The following MTMR10 variants were observed in gnomAD, a reference collection of about 807,000 sequenced individuals.
The protein encoded by MTMR10 is myotubularin related protein 10.
A neutral mutation model predicts 88.1 loss-of-function variants in MTMR10; 56 were observed. The observed-to-expected ratio is 0.64, with a 90% confidence interval of 0.51 to 0.79. MTMR10 has a LOEUF of 0.79. Ranked by LOEUF, MTMR10 falls within the 30% of genes least tolerant of loss-of-function variation. MTMR10 has a pLI of 0.00. For missense variants in MTMR10, 883 were observed against 924.7 expected (o/e 0.95, Z 0.58); for synonymous variants, 380 against 340.9 (o/e 1.11, Z -1.26).
the MTMR10 span, chr15:30,928,198 T>C: frequency 9.7e-7 from 1 of 1,027,004 alleles, no homozygotes. Flanking sequence ...CCAGCCCTGC[T>C]AAGTCCCAGC....
intron 15 of MTMR10, 138 bp from the exon 16 acceptor site, chr15:30,942,210 G>A (rs2063077995): frequency 4.2e-5 from 45 of 1,072,462 alleles, no homozygotes; most frequent in Non-Finnish European, 6.0e-5. Flanking sequence ...CCCTTCCTTT[G>A]TGTCCTTATT....
At chr15:30,934,033 C>T (rs935505302), downstream of MTMR10, among the ~76,000 whole-genome samples, 2 of 152,002 alleles carry the variant, frequency 1.3e-5, no homozygotes, top group Non-Finnish European at 2.9e-5. Flanking sequence ...TATACCGTGC[C>T]CAGCCAATTT....
At chr15:30,935,726 T>C (rs1236872565), downstream of MTMR10, among the ~76,000 whole-genome samples, 3 of 152,178 alleles carry the variant, frequency 2.0e-5, no homozygotes, top group Non-Finnish European at 4.4e-5. Flanking sequence ...CACCTTTGTT[T>C]TTGAAAGATA....
At chr15:30,953,053 G>C (rs2063272659) in intron 11 of MTMR10, among the ~76,000 whole-genome samples, 1 of 151,894 alleles carries the variant, frequency 6.6e-6, no homozygotes. Flanking sequence ...GCCTCCCAAA[G>C]TGCTGGGATT....
the MTMR10 span, among the ~76,000 whole-genome samples, chr15:30,923,004 C>T: frequency 6.6e-6 from 1 of 152,212 alleles, no homozygotes; most frequent in African/African-American, 2.4e-5. Flanking sequence ...TTTGTGTGGC[C>T]GCCAGCAGGC....
At chr15:30,953,951 A>T (rs1238770955) in intron 10 of MTMR10, among the ~76,000 whole-genome samples, 1 of 152,124 alleles carries the variant, frequency 6.6e-6, no homozygotes, top group Non-Finnish European at 1.5e-5. Flanking sequence ...GGCCCTCCTG[A>T]CCTGTGAGGT....
intron 2 of MTMR10, 85 bp downstream of exon 2, chr15:30,990,691 GT>G: frequency 8.7e-7 from 1 of 1,146,122 alleles, no homozygotes; most frequent in Non-Finnish European, 1.3e-6. Context: ...GAGAAGGGAA[GT>G]TAACCACATG....
intron 6 of MTMR10, among the ~76,000 whole-genome samples, chr15:30,962,173 C>CTG (rs1474942311): frequency 6.6e-6 from 1 of 152,182 alleles, no homozygotes; most frequent in Non-Finnish European, 1.5e-5. Flanking sequence ...AGAAAGGAGC[C>CTG]TGCTCTGAGA....
At position 30,939,568 on chromosome 15, in the gene MTMR10, A is replaced by T; in HGVS notation, c.*1902T>A. On this transcript the variant is annotated 3_prime_UTR_variant, in exon 16 of 16. Transcript: ENST00000435680. ...ATTTTACATTTGATTATCATACAAA[A>T]ATATGCATTTTTCTATTTTTAACCA... 1.0e-6 allele frequency: 1 copy of T among 962,128 alleles called. No homozygotes were observed. The highest frequency in any genetic ancestry group is 1.2e-6 in the Non-Finnish European group (1 of 808,798). The allele number at this position is 962,128 out of a possible 1,614,324, so 59.6% of individuals were successfully genotyped here.
chr15:30,926,632 A>G, the MTMR10 span: 32 of 985,378 alleles, frequency 3.2e-5, no homozygotes, highest in South Asian at 1.3e-3. Context: ...ATTGGGGAAG[A>G]CGTGCAAATG....
At chr15:30,981,709 C>A (rs1030252764) in intron 2 of MTMR10, among the ~76,000 whole-genome samples, 8 of 152,138 alleles carry the variant, frequency 5.3e-5, no homozygotes, top group African/African-American at 1.9e-4. Flanking sequence ...GAACAGAAAT[C>A]TAGTAATTAT....
intron 9 of MTMR10, among the ~76,000 whole-genome samples, chr15:30,955,446 A>G (rs981520828): frequency 1.3e-5 from 2 of 152,024 alleles, no homozygotes; most frequent in African/African-American, 4.8e-5. Flanking sequence ...AAATTTCTGT[A>G]TTTTTAGTAG....
the MTMR10 span, chr15:30,927,266 C>T: frequency 1.4e-5 from 14 of 985,334 alleles, no homozygotes; most frequent in African/African-American, 1.7e-5. Context: ...CCTGCCTGAT[C>T]GTCAGTGTAT....
chr15:30,925,304 C>A, the MTMR10 span: 1 of 1,610,536 alleles, frequency 6.2e-7, no homozygotes. Flanking sequence ...GAGGAAAGAG[C>A]CTGTGGGTGC....
chr15:30,969,543 A>G (rs535530765), intron 5 of MTMR10, among the ~76,000 whole-genome samples: 3 of 152,250 alleles, frequency 2.0e-5, no homozygotes, highest in African/African-American at 7.2e-5. Context: ...ATTTTGCTAC[A>G]CTGCCATAGC....
chr15:30,924,133 C>T, the MTMR10 span, among the ~76,000 whole-genome samples: 1 of 152,220 alleles, frequency 6.6e-6, no homozygotes, highest in Non-Finnish European at 1.5e-5. Context: ...TTTTGCTCAG[C>T]ATCATGTTTC....
chr15:30,925,686 T>C, the MTMR10 span: 1 of 1,316,662 alleles, frequency 7.6e-7, no homozygotes. Context: ...ACTAAGTGAC[T>C]GACTTTGTGG....
Position 30,940,694 on chromosome 15 carries a change from T to C in MTMR10, c.*776A>G. The C allele has an allele frequency of 1.0e-6, 1 of 988,104 alleles. No homozygotes were observed. The highest frequency in any genetic ancestry group is 1.7e-5 in the African/African-American group (1 of 57,350). 61.2% of individuals were successfully genotyped at this position (988,104 alleles called of 1,614,324 possible). The stretch of plus-strand genomic sequence containing the variant: ...AGTGGCTTTCAGAGGAACAAGACTC[T>C]GGGGACTCCTGGCTATGAAGCTTAG... On this transcript the variant is annotated 3_prime_UTR_variant, in exon 16 of 16. Transcript: ENST00000435680.
intron 12 of MTMR10, among the ~76,000 whole-genome samples, chr15:30,951,033 G>A (rs2063238196): frequency 6.6e-6 from 1 of 152,218 alleles, no homozygotes; most frequent in Non-Finnish European, 1.5e-5. Context: ...TCAGTCCTGG[G>A]TTGGTTGACC....
Sources: gnomAD v4.1 joint callset for allele counts (sites outside exome capture counted in the v4.1 genomes callset) on GRCh38, gnomAD v4.1.1 for gene constraint, MANE v1.5 for transcripts, NCBI Gene and HGNC (gene_info 2026-07-23, HGNC 2026-07-21) for gene names.